The following SLC24A2 variants were observed in gnomAD, a reference collection of about 807,000 sequenced individuals.
The protein encoded by SLC24A2 is solute carrier family 24 member 2.
A neutral mutation model predicts 62.0 loss-of-function variants in SLC24A2; 36 were observed. The ratio of observed to expected loss-of-function variants is 0.58; its 90% CI spans 0.44 to 0.77. The LOEUF is 0.77. Ranked by LOEUF, SLC24A2 falls within the 30% of genes least tolerant of loss-of-function variation. The pLI is 0.00. For synonymous variants in SLC24A2, 358 were observed against 294.0 expected, an observed-to-expected ratio of 1.22 and a Z score of -2.23; for missense variants, 846 against 817.9, an observed-to-expected ratio of 1.03 and a Z score of -0.42.
At chr9:19,921,399 T>A in the SLC24A2 span, among the ~76,000 whole-genome samples, 1 of 151,432 alleles carries the variant, frequency 6.6e-6, no homozygotes, top group African/African-American at 2.4e-5. Flanking sequence ...GGCGGGCGCC[T>A]GTAGTCCCAG....
At chr9:19,858,605 A>G in the SLC24A2 span, among the ~76,000 whole-genome samples, 1 of 152,240 alleles carries the variant, frequency 6.6e-6, no homozygotes, top group Admixed American at 6.5e-5. Flanking sequence ...GCATCTGATA[A>G]AGGTCTAATA....
chr9:19,770,397 A>T (rs754000980), intron 2 of SLC24A2, among the ~76,000 whole-genome samples: 1 of 151,770 alleles, frequency 6.6e-6, no homozygotes, highest in Non-Finnish European at 1.5e-5. Context: ...TACTATATGC[A>T]TTTTTTTTCA....
At chr9:19,855,027 C>A in the SLC24A2 span, among the ~76,000 whole-genome samples, 1 of 152,042 alleles carries the variant, frequency 6.6e-6, no homozygotes, top group African/African-American at 2.4e-5. Flanking sequence ...TGAATTGAAC[C>A]CTTTACCATT....
At chr9:19,797,607 C>T in the SLC24A2 span, among the ~76,000 whole-genome samples, 1 of 152,194 alleles carries the variant, frequency 6.6e-6, no homozygotes, top group Admixed American at 6.5e-5. Context: ...TGATCAATTT[C>T]CCCAGGGCAG....
intron 2 of SLC24A2, among the ~76,000 whole-genome samples, chr9:19,780,947 CA>C (rs1417619530): frequency 1.4e-5 from 2 of 142,306 alleles, no homozygotes; most frequent in Non-Finnish European, 3.1e-5. Context: ...AAAAAAAATT[CA>C]AAAAAAGGCA....
At chr9:19,778,761 G>C (rs1822920164) in intron 2 of SLC24A2, among the ~76,000 whole-genome samples, 1 of 152,042 alleles carries the variant, frequency 6.6e-6, no homozygotes, top group Non-Finnish European at 1.5e-5. Flanking sequence ...CACAGGTAAA[G>C]TCCCAAGAAA....
At chr9:20,015,732 G>A in the SLC24A2 span, among the ~76,000 whole-genome samples, 1 of 152,190 alleles carries the variant, frequency 6.6e-6, no homozygotes, top group African/African-American at 2.4e-5. Context: ...AATGGGTGGT[G>A]GATAATGATA....
chr9:19,721,568 G>A (rs1002720027), intron 2 of SLC24A2, among the ~76,000 whole-genome samples: 7 of 151,946 alleles, frequency 4.6e-5, no homozygotes, highest in African/African-American at 1.7e-4. Flanking sequence ...TAAAATCAGG[G>A]CAATTAATAA....
intron 2 of SLC24A2, among the ~76,000 whole-genome samples, chr9:19,672,029 T>A (rs2118325195): frequency 6.8e-6 from 1 of 146,278 alleles, no homozygotes; most frequent in South Asian, 2.2e-4. Flanking sequence ...TTTTGTTACG[T>A]CCTTTCCTGG....
At chr9:20,093,712 G>A in the SLC24A2 span, among the ~76,000 whole-genome samples, 2 of 152,026 alleles carry the variant, frequency 1.3e-5, no homozygotes, top group Non-Finnish European at 2.9e-5. Flanking sequence ...TTGTTAATGG[G>A]TACAAAAAAA....
At chr9:19,997,693 G>A in the SLC24A2 span, among the ~76,000 whole-genome samples, 4 of 152,220 alleles carry the variant, frequency 2.6e-5, no homozygotes, top group African/African-American at 9.6e-5. Flanking sequence ...AGCTAGGAGT[G>A]AGCAAGACAA....
At chr9:20,096,655 G>C in the SLC24A2 span, among the ~76,000 whole-genome samples, 23 of 151,904 alleles carry the variant, frequency 1.5e-4, no homozygotes, top group Non-Finnish European at 3.1e-4. Flanking sequence ...GTTTCTTCTG[G>C]ATTTTACAAG....
chr9:19,560,355 T>G (rs1318982599), intron 7 of SLC24A2, among the ~76,000 whole-genome samples: 1 of 137,944 alleles, frequency 7.2e-6, no homozygotes, highest in South Asian at 2.5e-4. Flanking sequence ...TCCTCTGTAT[T>G]CAGAGATGAG....
chr9:19,736,360 G>T (rs1199913979), intron 2 of SLC24A2, among the ~76,000 whole-genome samples: 1 of 152,054 alleles, frequency 6.6e-6, no homozygotes, highest in Non-Finnish European at 1.5e-5. Context: ...CTAATTAACT[G>T]ATTATAAACA....
chr9:19,522,061 T>C (rs1833232223), intron 9 of SLC24A2, among the ~76,000 whole-genome samples: 2 of 152,296 alleles, frequency 1.3e-5, no homozygotes, highest in South Asian at 2.1e-4. Context: ...CAGGCTAGAG[T>C]GCAGTGGCAC....
chr9:20,223,360 C>G, the SLC24A2 span, among the ~76,000 whole-genome samples: 2 of 152,124 alleles, frequency 1.3e-5, no homozygotes, highest in South Asian at 4.1e-4. Flanking sequence ...AAGCCGGGCT[C>G]ACACCTCTAA....
At chr9:19,780,687 C>T (rs1163601425) in intron 2 of SLC24A2, among the ~76,000 whole-genome samples, 1 of 150,772 alleles carries the variant, frequency 6.6e-6, no homozygotes, top group Non-Finnish European at 1.5e-5. Context: ...AGATTGACAC[C>T]ACGGTGAAAC....
At chr9:20,182,747 C>T in the SLC24A2 span, among the ~76,000 whole-genome samples, 1 of 152,016 alleles carries the variant, frequency 6.6e-6, no homozygotes, top group South Asian at 2.1e-4. Context: ...CAAACCTACA[C>T]GTTGTGCACA....
intron 2 of SLC24A2, among the ~76,000 whole-genome samples, chr9:19,645,466 T>A (rs527606417): frequency 2.0e-5 from 3 of 152,198 alleles, no homozygotes; most frequent in Admixed American, 2.0e-4. Flanking sequence ...ATTTCATATG[T>A]TGTAGTAAAT....
Sources: gnomAD v4.1 joint callset for allele counts (sites outside exome capture counted in the v4.1 genomes callset) on GRCh38, gnomAD v4.1.1 for gene constraint, MANE v1.5 for transcripts, NCBI Gene and HGNC (gene_info 2026-07-23, HGNC 2026-07-21) for gene names.